The following IFT88 variants were observed in gnomAD, a reference collection of about 807,000 sequenced individuals.
IFT88 encodes the protein intraflagellar transport protein 88 homolog.
A neutral mutation model predicts 119.5 loss-of-function variants in IFT88; 74 were observed. The ratio of observed to expected loss-of-function variants is 0.62; its 90% CI spans 0.51 to 0.75. IFT88 has a LOEUF of 0.75. IFT88 is among the 30% of genes least tolerant of loss of function. The pLI, the probability that IFT88 is intolerant of heterozygous loss-of-function variation, is 0.00. For missense variants in IFT88, 961 were observed against 977.7 expected (o/e 0.98, Z 0.23); for synonymous variants, 279 against 316.7 (o/e 0.88, Z 1.26).
At chr13:20,638,799 A>G (rs1233970902) in intron 17 of IFT88, among the ~76,000 whole-genome samples, 1 of 152,224 alleles carries the variant, frequency 6.6e-6, no homozygotes, top group Non-Finnish European at 1.5e-5. Flanking sequence ...ATTTCTGCTA[A>G]TACTGGATAT....
At chr13:20,626,884 T>A (rs1258326346) in intron 15 of IFT88, among the ~76,000 whole-genome samples, 1 of 152,154 alleles carries the variant, frequency 6.6e-6, no homozygotes, top group African/African-American at 2.4e-5. Flanking sequence ...CCCAGTTAGA[T>A]CCAGAGAGCA....
chr13:20,628,518 A>G (rs994433740), intron 15 of IFT88, among the ~76,000 whole-genome samples: 4 of 152,220 alleles, frequency 2.6e-5, no homozygotes, highest in African/African-American at 9.6e-5. Flanking sequence ...CTGAACTTTT[A>G]TCAGTTCCAT....
chr13:20,608,766 G>A (rs1341821937), intron 13 of IFT88, among the ~76,000 whole-genome samples: 1 of 152,174 alleles, frequency 6.6e-6, no homozygotes, highest in Non-Finnish European at 1.5e-5. Flanking sequence ...TCCTGGCAAA[G>A]GTTCCAAAGT....
chr13:20,578,169 C>T (rs768292500), intron 2 of IFT88, among the ~76,000 whole-genome samples: 7 of 149,344 alleles, frequency 4.7e-5, no homozygotes, highest in South Asian at 4.3e-4. Context: ...CTCAGCCTCC[C>T]GAGTAGCTGG....
intron 24 of IFT88, among the ~76,000 whole-genome samples, chr13:20,674,391 C>T (rs149598437): frequency 1.3e-5 from 2 of 152,222 alleles, no homozygotes; most frequent in Non-Finnish European, 2.9e-5. Context: ...CACAAGAATT[C>T]CTTCTTAGAT....
intron 24 of IFT88, among the ~76,000 whole-genome samples, chr13:20,688,348 A>G (rs1465573436): frequency 3.3e-5 from 5 of 152,240 alleles, no homozygotes; most frequent in Non-Finnish European, 1.5e-5. Flanking sequence ...ACTCCATCTC[A>G]AAAGAAAAGA....
chr13:20,614,968 G>A (rs1435970397), intron 13 of IFT88, among the ~76,000 whole-genome samples: 3 of 151,720 alleles, frequency 2.0e-5, no homozygotes, highest in Non-Finnish European at 2.9e-5. Context: ...GGCGCCTGCC[G>A]CCACACCTGG....
At chr13:20,655,138 TAAA>T (rs1180462872) in intron 21 of IFT88, among the ~76,000 whole-genome samples, 2 of 152,270 alleles carry the variant, frequency 1.3e-5, no homozygotes, top group East Asian at 3.9e-4. Flanking sequence ...TTCTAATGTT[TAAA>T]AAACTGTAAA....
chr13:20,601,658 C>A, intron 11 of IFT88, 47 bp from the exon 12 acceptor site: 1 of 1,285,960 alleles, frequency 7.8e-7, no homozygotes, highest in Non-Finnish European at 1.1e-6. Context: ...GAATGCCATA[C>A]TAAAGAGTTC....
Position 20,601,902 on chromosome 13 carries a change from A to G in IFT88, c.1010A>G (p.Glu337Gly). Residue 337 changes from glutamate (E) to glycine (G), a missense_variant, in exon 12 of 26, where the codon GAA becomes GGA. Glu to Gly is a moderately conservative substitution (Grantham distance 98). Coordinates refer to ENST00000351808, the MANE Select transcript of IFT88 (RefSeq NM_006531.5). ...AFQKLITVPL[E>G]IDEDKYISPS... is the part of the protein sequence containing the mutation. ...CAAAAATTGATTACTGTTCCATTAG[A>G]AATTGATGAAGATAAATATATTTCA... 1 of 1,598,186 alleles carries G rather than the reference A, an allele frequency of 6.3e-7. No individual in the cohort carries two copies. Among genetic ancestry groups the G allele is most frequent in the Non-Finnish European group, 8.6e-7 (1 of 1,165,556 alleles).
intron 21 of IFT88, among the ~76,000 whole-genome samples, chr13:20,654,446 A>G (rs538330570): frequency 1.3e-4 from 20 of 152,370 alleles, no homozygotes; most frequent in South Asian, 8.3e-4. Context: ...TAGAGATGCT[A>G]TTAGTTTTAG....
chr13:20,580,339 G>A (rs1227537536), intron 2 of IFT88, among the ~76,000 whole-genome samples: 1 of 152,122 alleles, frequency 6.6e-6, no homozygotes, highest in Non-Finnish European at 1.5e-5. Context: ...CCAACATGGT[G>A]AAGTTCTGTC....
rs376135219 is a variant in IFT88 at position 20,632,799 on chromosome 13, G to A, written c.1386+1697G>A. Among the ~76,000 whole-genome samples, 27 of 152,324 alleles carry A rather than the reference G, an allele frequency of 1.8e-4. No homozygotes were observed. The East Asian group carries it at 2.7e-3, about 15-fold the overall frequency. ...TGTGCACAGTGCCCTGTTGATGACAGGTGCTTATTAAACACTTCTTTACTA... is the reference window on the plus strand; with the variant it reads ...TGTGCACAGTGCCCTGTTGATGACAAGTGCTTATTAAACACTTCTTTACTA... On this transcript the variant is annotated intron_variant, in intron 16 of 25. Coordinates refer to ENST00000351808, the MANE Select transcript of IFT88 (RefSeq NM_006531.5).
intron 11 of IFT88, among the ~76,000 whole-genome samples, chr13:20,600,924 T>C (rs1045750069): frequency 6.6e-6 from 1 of 152,136 alleles, no homozygotes; most frequent in African/African-American, 2.4e-5. Context: ...TGAAATGCTA[T>C]TTGACAAAAA....
At position 20,663,525 on chromosome 13, in the gene IFT88, C is replaced by T; in HGVS notation, c.2096C>T (p.Thr699Ile). The change falls in exon 23 of 26, where the codon ACA becomes ATA. Residue 699 changes from threonine (T) to isoleucine (I), a missense_variant. Physicochemically the swap from Thr to Ile is moderately conservative, Grantham distance 89. Transcript: ENST00000351808. ...ECLRFLVRLCTDLGLKDAQEY... is the reference protein window; with the variant it reads ...ECLRFLVRLCIDLGLKDAQEY... ...CTGCGTTTCTTAGTTCGTCTCTGCA[C>T]AGATCTTGGATTAAAAGATGCTCAA... The T allele has an allele frequency of 6.2e-7, 1 of 1,613,832 alleles. No homozygotes were observed. Among genetic ancestry groups the T allele is most frequent in the Non-Finnish European group, 8.5e-7 (1 of 1,179,886 alleles).
chr13:20,690,705 A>G lies in IFT88; in HGVS notation c.2243A>G (p.Asp748Gly), dbSNP rs770308243. Residue 748 changes from aspartate to glycine, a missense_variant and splice_region_variant, in exon 25 of 26, where the codon GAT becomes GGT. Coordinates refer to ENST00000351808, the MANE Select transcript of IFT88 (RefSeq NM_006531.5). ...RGKREGSASG[D>G]SGQNYSASSK... ...TGCATTTTTATTTTCGTGTTTTCAG[A>G]TAGTGGCCAGAACTATAGTGCCAGT... The G allele has an allele frequency of 6.2e-7, 1 of 1,600,054 alleles. No individual in the cohort carries two copies. Among genetic ancestry groups the G allele is most frequent in the Non-Finnish European group, 8.6e-7 (1 of 1,167,334 alleles).
intron 22 of IFT88, among the ~76,000 whole-genome samples, chr13:20,657,655 C>CA (rs758821827): frequency 1.3e-5 from 2 of 152,126 alleles, no homozygotes; most frequent in Non-Finnish European, 2.9e-5. Flanking sequence ...AGGCTGGGCA[C>CA]AGTGGCTCAC....
intron 20 of IFT88, among the ~76,000 whole-genome samples, chr13:20,650,330 G>T (rs1467944106): frequency 6.6e-6 from 1 of 152,104 alleles, no homozygotes; most frequent in Non-Finnish European, 1.5e-5. Context: ...ATGAAGATCA[G>T]TCAATTTAAT....
intron 5 of IFT88, 41 bp from the exon 6 acceptor site, chr13:20,591,577 A>G: frequency 6.9e-7 from 1 of 1,459,396 alleles, no homozygotes; most frequent in Non-Finnish European, 9.6e-7. Context: ...CATAGGAGAT[A>G]GATCTTATTT....
Sources: allele counts gnomAD v4.1 joint callset (sites outside exome capture counted in the v4.1 genomes callset), GRCh38; gene constraint gnomAD v4.1.1; transcripts MANE v1.5; gene names NCBI Gene and HGNC (gene_info 2026-07-23, HGNC 2026-07-21).